Variants in CKAP2 observed in about 807,000 individuals in gnomAD.
CKAP2 encodes the protein cytoskeleton associated protein 2, also known as cytoskeleton-associated protein 2.
A neutral mutation model predicts 58.4 loss-of-function variants in CKAP2; 46 were observed. The ratio of observed to expected loss-of-function variants is 0.79; its 90% CI spans 0.62 to 1.01. The LOEUF is 1.01. CKAP2 is among the 50% of genes least tolerant of loss of function. CKAP2 has a pLI of 0.00. For missense variants in CKAP2, 809 were observed against 796.4 expected (o/e 1.02, Z -0.19); for synonymous variants, 293 against 280.9 (o/e 1.04, Z -0.43).
At chr13:52,457,583 T>C (rs1958507127) in intron 2 of CKAP2, among the ~76,000 whole-genome samples, 1 of 152,148 alleles carries the variant, frequency 6.6e-6, no homozygotes, top group Non-Finnish European at 1.5e-5. Context: ...GGCTGGGTGC[T>C]GTGGCTTACA....
chr13:52,460,811 T>C (rs1958561295), intron 2 of CKAP2, 88 bp from the exon 3 acceptor site: 1 of 1,114,294 alleles, frequency 9.0e-7, no homozygotes, highest in African/African-American at 1.8e-5. Context: ...GTCAGTTAAT[T>C]GTTAACATTG....
At position 52,476,243 on chromosome 13, in the gene CKAP2, C is replaced by A. The variant is rs1175434347; in HGVS notation, c.*1102C>A. 6.6e-6 allele frequency: 1 copy of A among 152,148 alleles called. No homozygotes were observed. Among genetic ancestry groups the A allele is most frequent in the African/African-American group, 2.4e-5 (1 of 41,448 alleles). The allele number at this position is 152,148 out of a possible 1,614,324, so 9.4% of individuals were successfully genotyped here. On this transcript the variant is annotated 3_prime_UTR_variant, in exon 9 of 9. Transcript: ENST00000258607. ...TCACATGCTTAGTCATTTTTATGTT[C>A]ATTCCACTTTGTATATCTTTTCTAT...
chr13:52,461,334 C>G lies in CKAP2; in HGVS notation c.508C>G (p.Pro170Ala). ...TEKQKQDANMPKKPVLGSYRG... is the reference protein window; with the variant it reads ...TEKQKQDANMAKKPVLGSYRG... ...AAAACAAAAGCAAGATGCTAACATG[C>G]CCAAGAAACCTGTGCTTGGATCTTA... The change falls in exon 4 of 9, where the codon CCC becomes GCC. Residue 170 changes from proline to alanine, a missense_variant. Physicochemically the swap from Pro to Ala is conservative, Grantham distance 27. This residue lies in a region of CKAP2 where 523 missense variants were observed against 492.4 expected (regional missense o/e 1.06). Coordinates refer to ENST00000258607, the MANE Select transcript of CKAP2 (RefSeq NM_018204.5). 1 of 1,614,134 alleles carries G rather than the reference C, an allele frequency of 6.2e-7. No homozygotes were observed. The highest frequency in any genetic ancestry group is 1.3e-5 in the African/African-American group (1 of 75,038).
At chr13:52,467,846 C>T (rs866196912) in intron 6 of CKAP2, among the ~76,000 whole-genome samples, 1 of 148,856 alleles carries the variant, frequency 6.7e-6, no homozygotes, top group Admixed American at 6.7e-5. Context: ...GTCTCACTCT[C>T]TCGCCCAGGC....
At chr13:52,455,709 C>T (rs1308644377) in intron 1 of CKAP2, 83 bp downstream of exon 1, 3 of 1,348,438 alleles carry the variant, frequency 2.2e-6, no homozygotes, top group Non-Finnish European at 2.9e-6. Flanking sequence ...CGGGGCCGCG[C>T]TGGCGCGCTT....
In CKAP2 at chr13:52,461,180, T is replaced by G; in HGVS notation, c.354T>G (p.His118Gln). 4 of 1,613,860 alleles carry G rather than the reference T, an allele frequency of 2.5e-6. No homozygotes were observed. Among genetic ancestry groups the G allele is most frequent in the South Asian group, 2.2e-5 (2 of 90,972 alleles). The part of the protein sequence containing the change: ...LTNSTVVIDT[H>Q]KPKDSNQTPH... ...ATTCAACTGTAGTAATTGACACACA[T>G]AAACCTAAGGATAGTAATCAAACTC... The change falls in exon 4 of 9, where the codon CAT (histidine) becomes CAG (glutamine). Residue 118 changes from histidine (H) to glutamine (Q), a missense_variant. This residue lies in a region of CKAP2 where 523 missense variants were observed against 492.4 expected (regional missense o/e 1.06). Transcript: ENST00000258607.
In CKAP2 at chr13:52,475,448, A is replaced by G; in HGVS notation, c.*307A>G. 1 of 239,404 alleles carries G rather than the reference A, an allele frequency of 4.2e-6. No individual in the cohort carries two copies. Among genetic ancestry groups the G allele is most frequent in the African/African-American group, 2.2e-5 (1 of 44,602 alleles). 14.8% of individuals were successfully genotyped at this position (239,404 alleles called of 1,614,324 possible). ...ATAATACTACCCTGTTCACTTTACTAAATATAAGTACAGTAATGATGCATA... is the reference window on the plus strand; with the variant it reads ...ATAATACTACCCTGTTCACTTTACTGAATATAAGTACAGTAATGATGCATA... On this transcript the variant is annotated 3_prime_UTR_variant, in exon 9 of 9. Transcript: ENST00000258607.
chr13:52,469,343 G>T (rs935887302), intron 7 of CKAP2, among the ~76,000 whole-genome samples: 1 of 152,110 alleles, frequency 6.6e-6, no homozygotes, highest in Non-Finnish European at 1.5e-5. Context: ...AGTTTGACTA[G>T]ATATCCAGAC....
intron 7 of CKAP2, among the ~76,000 whole-genome samples, chr13:52,470,981 A>G (rs1480255443): frequency 6.6e-6 from 1 of 152,116 alleles, no homozygotes; most frequent in African/African-American, 2.4e-5. Context: ...AACATGGTGA[A>G]ACCCCGTCTC....
intron 3 of CKAP2, 22 bp downstream of exon 3, chr13:52,460,996 CTT>C: frequency 6.2e-7 from 1 of 1,609,264 alleles, no homozygotes; most frequent in African/African-American, 1.3e-5. Flanking sequence ...ACATAGCACT[CTT>C]AAACTGTCCC....
intron 1 of CKAP2, 48 bp downstream of exon 1, chr13:52,455,674 G>A (rs746306984): frequency 3.2e-6 from 3 of 928,674 alleles, no homozygotes; most frequent in Admixed American, 2.9e-5. Context: ...TGGCGGTGGC[G>A]GGCGCGGGCC....
chr13:52,473,201 C>A lies in CKAP2; in HGVS notation c.1547-628C>A, dbSNP rs188419673. Among the ~76,000 whole-genome samples, 146 of 152,232 alleles carry A rather than the reference C, an allele frequency of 9.6e-4. 1 individual carries two copies. The highest frequency in any genetic ancestry group is 1.6e-3 in the Admixed American group (24 of 15,294). Reference sequence around the variant, plus strand: ...TTCATTCTCTGCCATTCTAGACAGTCCTTTACATTGACCAAATTTAATTAT... The same window carrying A: ...TTCATTCTCTGCCATTCTAGACAGTACTTTACATTGACCAAATTTAATTAT... On this transcript the variant is annotated intron_variant, in intron 7 of 8. Coordinates refer to ENST00000258607, the MANE Select transcript of CKAP2 (RefSeq NM_018204.5).
chr13:52,460,972 A>G lies in CKAP2; in HGVS notation c.229A>G (p.Met77Val), dbSNP rs1958564326. The stretch of plus-strand genomic sequence containing the variant: ...TAAAGTGCTGAAACTTAAAACAAAA[A>G]TGGTAAGATGTGGACATAGCACTCT... ...GTKVLKLKTK[M>V]ADKENMKRPA... The change falls in exon 3 of 9, where the codon ATG (methionine) becomes GTG (valine). Residue 77 changes from methionine (M) to valine (V), a missense_variant and splice_region_variant. This residue lies in a region of CKAP2 where 523 missense variants were observed against 492.4 expected (regional missense o/e 1.06). Coordinates refer to ENST00000258607, the MANE Select transcript of CKAP2 (RefSeq NM_018204.5). 1 of 1,613,592 alleles carries G rather than the reference A, an allele frequency of 6.2e-7. No individual in the cohort carries two copies. The highest frequency in any genetic ancestry group is 1.3e-5 in the African/African-American group (1 of 74,828).
chr13:52,470,241 G>T (rs1176131572), intron 7 of CKAP2, among the ~76,000 whole-genome samples: 1 of 152,034 alleles, frequency 6.6e-6, no homozygotes, highest in Non-Finnish European at 1.5e-5. Context: ...GAGTAGCTGG[G>T]ATTACAGGCA....
At chr13:52,463,230 G>A (rs938251471) in intron 5 of CKAP2, among the ~76,000 whole-genome samples, 3 of 152,056 alleles carry the variant, frequency 2.0e-5, no homozygotes, top group African/African-American at 4.8e-5. Flanking sequence ...GAGCCACTGC[G>A]CTCGGCCTCA....
intron 1 of CKAP2, 95 bp from the exon 2 acceptor site, chr13:52,456,428 T>C: frequency 2.0e-6 from 2 of 1,021,388 alleles, no homozygotes; most frequent in Non-Finnish European, 3.0e-6. Flanking sequence ...GGAACCAGCT[T>C]TGGAAGTAAA....
intron 6 of CKAP2, among the ~76,000 whole-genome samples, chr13:52,467,966 C>A (rs1286687711): frequency 1.3e-5 from 2 of 152,046 alleles, no homozygotes; most frequent in Non-Finnish European, 2.9e-5. Flanking sequence ...CCTGCCACCA[C>A]GCCCGGCTCA....
chr13:52,465,678 G>A (rs1166744226), intron 6 of CKAP2: 28 of 635,370 alleles, frequency 4.4e-5, no homozygotes, highest in Non-Finnish European at 6.3e-5. Flanking sequence ...TTTAGAAAAT[G>A]GATATAAGCT....
intron 7 of CKAP2, among the ~76,000 whole-genome samples, chr13:52,469,985 T>C (rs1230167371): frequency 3.3e-5 from 5 of 152,224 alleles, no homozygotes; most frequent in Non-Finnish European, 5.9e-5. Context: ...TGGTTTTCAA[T>C]TATTTGCTGT....
Sources: gnomAD v4.1 joint callset for allele counts (sites outside exome capture counted in the v4.1 genomes callset) on GRCh38, gnomAD v4.1.1 for gene constraint, gnomAD v4.1.1 regional missense constraint, MANE v1.5 for transcripts, NCBI Gene and HGNC (gene_info 2026-07-23, HGNC 2026-07-21) for gene names.